NEGR1: variants seen among roughly 807,000 people sequenced by gnomAD.
NEGR1 encodes neuronal growth regulator 1.
Under a neutral mutation model 40.9 loss-of-function variants are expected in NEGR1, and 10 were observed. The observed-to-expected ratio is 0.24, with a 90% CI of 0.15 to 0.42. The LOEUF is 0.42. Among genes scored for constraint, NEGR1 ranks in the 10% least tolerant of loss-of-function variants. The pLI is 1.00. For synonymous variants in NEGR1, 185 were observed against 166.8 expected (o/e 1.11, Z -0.84); for missense variants, 352 against 438.9 (o/e 0.80, Z 1.77).
chr1:71,756,793 A>T (rs185831515), intron 3 of NEGR1, among the ~76,000 whole-genome samples: 20 of 152,210 alleles, frequency 1.3e-4, no homozygotes, highest in Admixed American at 5.2e-4. Flanking sequence ...AGCACTGTTC[A>T]GAAACAATAC....
chr1:72,262,775 TA>T (rs1185757889), intron 1 of NEGR1, among the ~76,000 whole-genome samples: 1 of 151,978 alleles, frequency 6.6e-6, no homozygotes, highest in East Asian at 1.9e-4. Context: ...CGCAACAGCA[TA>T]TAATGCTTTT....
chr1:72,220,535 C>T (rs115096596), intron 1 of NEGR1, among the ~76,000 whole-genome samples: 1 of 151,772 alleles, frequency 6.6e-6, no homozygotes, highest in Non-Finnish European at 1.5e-5. Flanking sequence ...GGTACTGTAC[C>T]AAAGAAAGAA....
At chr1:71,684,490 A>G (rs1652956961) in intron 4 of NEGR1, among the ~76,000 whole-genome samples, 1 of 151,960 alleles carries the variant, frequency 6.6e-6, no homozygotes, top group Non-Finnish European at 1.5e-5. Flanking sequence ...GTATGTATCT[A>G]TTTTTGTGTG....
At chr1:71,508,214 C>T (rs1363694783) in intron 6 of NEGR1, among the ~76,000 whole-genome samples, 4 of 152,072 alleles carry the variant, frequency 2.6e-5, no homozygotes, top group Non-Finnish European at 5.9e-5. Context: ...CAAGCTCCAC[C>T]CAAGCAGGGA....
chr1:71,541,783 C>T (rs1289008939), intron 6 of NEGR1, among the ~76,000 whole-genome samples: 1 of 151,774 alleles, frequency 6.6e-6, no homozygotes, highest in Non-Finnish European at 1.5e-5. Context: ...CAAAGAGCAG[C>T]TGTACTATTG....
At chr1:72,237,768 G>A (rs1654605354) in intron 1 of NEGR1, among the ~76,000 whole-genome samples, 1 of 151,824 alleles carries the variant, frequency 6.6e-6, no homozygotes, top group African/African-American at 2.4e-5. Flanking sequence ...AAGCTGGGTG[G>A]TATAGAAAAA....
intron 5 of NEGR1, among the ~76,000 whole-genome samples, chr1:71,610,237 A>C (rs1650209775): frequency 6.6e-6 from 1 of 152,218 alleles, no homozygotes; most frequent in African/African-American, 2.4e-5. Context: ...TGGGAATTTC[A>C]TACGGTTTAA....
chr1:71,548,673 G>T (rs559496536), intron 6 of NEGR1, among the ~76,000 whole-genome samples: 3 of 151,634 alleles, frequency 2.0e-5, no homozygotes, highest in Admixed American at 6.6e-5. Context: ...AGGCTGTGGT[G>T]CTCCTTTCCA....
rs929234424 is a variant in NEGR1 at position 71,882,494 on chromosome 1, T to C, written c.409+52585A>G. Among the ~76,000 whole-genome samples, 6 of 152,106 alleles carry C rather than the reference T, an allele frequency of 3.9e-5. No individual in the cohort carries two copies. The East Asian group carries it at 9.6e-4, about 24-fold the overall frequency. ...TTCAAGAGAGTTAACAGAAAATTTA[T>C]TTTTTCATTTAAGGAAGAGAATGTT... On this transcript the variant is annotated intron_variant, in intron 2 of 6. Transcript: ENST00000357731.
intron 6 of NEGR1, among the ~76,000 whole-genome samples, chr1:71,577,059 T>C (rs1043351333): frequency 6.6e-6 from 1 of 152,206 alleles, no homozygotes; most frequent in Non-Finnish European, 1.5e-5. Flanking sequence ...TGTTTCTAAT[T>C]CTAACTAACA....
chr1:71,651,873 C>A (rs115233613), intron 4 of NEGR1, among the ~76,000 whole-genome samples: 1 of 151,918 alleles, frequency 6.6e-6, no homozygotes, highest in Non-Finnish European at 1.5e-5. Context: ...GCCAGTATTA[C>A]TTTTGTTTCA....
chr1:72,137,906 A>G (rs1241589800), intron 1 of NEGR1, among the ~76,000 whole-genome samples: 4 of 152,124 alleles, frequency 2.6e-5, no homozygotes, highest in Non-Finnish European at 5.9e-5. Flanking sequence ...GTGGAGCAAG[A>G]TCTTTAAAAT....
chr1:71,486,454 G>T (rs1323161585), intron 6 of NEGR1: 1 of 151,374 alleles, frequency 6.6e-6, no homozygotes, highest in African/African-American at 2.4e-5. Flanking sequence ...GACTTGGGAA[G>T]AATATGAAAG....
chr1:72,047,446 A>G (rs893163053), intron 1 of NEGR1, among the ~76,000 whole-genome samples: 3 of 151,442 alleles, frequency 2.0e-5, no homozygotes, highest in Non-Finnish European at 4.4e-5. Flanking sequence ...TTTAAATAAT[A>G]TAAGCTAATT....
intron 1 of NEGR1, among the ~76,000 whole-genome samples, chr1:72,091,313 C>A (rs1234271973): frequency 2.0e-5 from 3 of 151,936 alleles, no homozygotes; most frequent in South Asian, 2.1e-4. Flanking sequence ...TTATCAGATT[C>A]TTTTTTCTTC....
intron 1 of NEGR1, among the ~76,000 whole-genome samples, chr1:71,988,238 G>C (rs1318085497): frequency 1.3e-5 from 2 of 152,158 alleles, no homozygotes; most frequent in Admixed American, 1.3e-4. Context: ...AGACATCCAT[G>C]TAAAAGGGAG....
At chr1:72,022,552 CAT>C (rs1302352925) in intron 1 of NEGR1, among the ~76,000 whole-genome samples, 6 of 149,772 alleles carry the variant, frequency 4.0e-5, no homozygotes, top group Admixed American at 6.7e-5. Flanking sequence ...TAAACACACA[CAT>C]ATATATATAA....
intron 4 of NEGR1, among the ~76,000 whole-genome samples, chr1:71,676,863 T>C (rs758033240): frequency 3.9e-5 from 6 of 152,158 alleles, no homozygotes; most frequent in Non-Finnish European, 8.8e-5. Context: ...ATGCAAATGA[T>C]AAATGTCATG....
chr1:71,586,349 G>A (rs946423648), intron 6 of NEGR1, among the ~76,000 whole-genome samples: 11 of 152,150 alleles, frequency 7.2e-5, no homozygotes, highest in African/African-American at 2.7e-4. Flanking sequence ...CTTCAAGGCC[G>A]CTATGTAATG....
Sources: allele counts gnomAD v4.1 joint callset (sites outside exome capture counted in the v4.1 genomes callset), GRCh38; gene constraint gnomAD v4.1.1; transcripts MANE v1.5; gene names NCBI Gene and HGNC (gene_info 2026-07-23, HGNC 2026-07-21).